Variants in KCNH8 observed in about 807,000 individuals in gnomAD.
KCNH8 encodes the protein voltage-gated delayed rectifier potassium channel KCNH8.
KCNH8 carries 70 observed loss-of-function variants against 103.6 expected under a neutral mutation model. The ratio of observed to expected loss-of-function variants is 0.68; its 90% CI spans 0.56 to 0.82. KCNH8 has a LOEUF of 0.82. KCNH8 is among the 40% of genes least tolerant of loss of function. The pLI, the probability that KCNH8 is intolerant of heterozygous loss-of-function variation, is 0.00. For missense variants in KCNH8, 1,217 were observed against 1,329.9 expected (o/e 0.92, Z 1.32); for synonymous variants, 498 against 489.4 (o/e 1.02, Z -0.23).
chr3:19,469,449 T>G (rs2067809229), intron 11 of KCNH8, among the ~76,000 whole-genome samples: 1 of 152,244 alleles, frequency 6.6e-6, no homozygotes, highest in East Asian at 1.9e-4. Context: ...TTTTTTGTTT[T>G]TTGTTTTTGA....
chr3:19,501,536 T>C (rs2068583196), intron 11 of KCNH8, among the ~76,000 whole-genome samples: 1 of 152,214 alleles, frequency 6.6e-6, no homozygotes, highest in African/African-American at 2.4e-5. Flanking sequence ...AATAAAATAC[T>C]GGCAAACCGA....
chr3:19,165,420 C>G (rs563757629), intron 1 of KCNH8, among the ~76,000 whole-genome samples: 40 of 152,136 alleles, frequency 2.6e-4, no homozygotes, highest in Non-Finnish European at 4.0e-4. Flanking sequence ...TGAACATAGT[C>G]AAATTAATAA....
intron 5 of KCNH8, among the ~76,000 whole-genome samples, chr3:19,364,455 T>C (rs2065985215): frequency 6.6e-6 from 1 of 152,154 alleles, no homozygotes; most frequent in African/African-American, 2.4e-5. Flanking sequence ...ATTTGGAACA[T>C]TTATTAAATG....
chr3:19,531,090 C>G (rs913152723), intron 15 of KCNH8, among the ~76,000 whole-genome samples: 3 of 152,168 alleles, frequency 2.0e-5, no homozygotes, highest in African/African-American at 7.2e-5. Context: ...AGAGACTGTG[C>G]CTTTATTTAA....
At chr3:19,175,758 G>A (rs1308558445) in intron 1 of KCNH8, among the ~76,000 whole-genome samples, 1 of 152,088 alleles carries the variant, frequency 6.6e-6, no homozygotes. Context: ...AAATTGATTT[G>A]TCATCTTGAT....
chr3:19,351,056 G>A lies in KCNH8; in HGVS notation c.811+3091G>A, dbSNP rs556562950. On this transcript the variant is annotated intron_variant, in intron 5 of 15. Coordinates refer to ENST00000328405, the MANE Select transcript of KCNH8 (RefSeq NM_144633.3). ...AGACCTTAAATGACCTGATGGAGCTGAAAACCATGGCATGAGAACTATATG... is the reference window on the plus strand; with the variant it reads ...AGACCTTAAATGACCTGATGGAGCTAAAAACCATGGCATGAGAACTATATG... Among the ~76,000 whole-genome samples the A allele has an allele frequency of 2.6e-5, 4 of 152,182 alleles. No individual in the cohort carries two copies. In the East Asian group the frequency reaches 7.8e-4, roughly 30 times the overall value.
intron 11 of KCNH8, among the ~76,000 whole-genome samples, chr3:19,501,902 T>C (rs374285666): frequency 6.6e-5 from 10 of 152,226 alleles, no homozygotes; most frequent in South Asian, 2.1e-4. Context: ...TCCTATTCAA[T>C]ATAGTGTTGG....
At position 19,373,288 on chromosome 3, in the gene KCNH8, A is replaced by C. The variant is rs536414272; in HGVS notation, c.812-17193A>C. On this transcript the variant is annotated intron_variant, in intron 5 of 15. Transcript: ENST00000328405. ...CTATTGATTATTGCCAGAATTTCAG[A>C]TCCTGTTATTGGTCTATTCAGAGAT... 1.8e-4 allele frequency among the ~76,000 whole-genome samples: 27 copies of C among 152,164 alleles called. No homozygotes were observed. In the South Asian group the frequency reaches 3.1e-3, roughly 18 times the overall value.
intron 11 of KCNH8, among the ~76,000 whole-genome samples, chr3:19,499,040 G>C (rs2068513877): frequency 6.6e-6 from 1 of 152,032 alleles, no homozygotes; most frequent in Admixed American, 6.6e-5. Context: ...TGAGAACTTT[G>C]AAAAAAATTT....
intron 5 of KCNH8, among the ~76,000 whole-genome samples, chr3:19,352,326 A>G (rs1435423765): frequency 1.3e-5 from 2 of 152,154 alleles, no homozygotes; most frequent in African/African-American, 2.4e-5. Flanking sequence ...CAGATCAACA[A>G]GACAGAAAGT....
chr3:19,285,278 G>A (rs879855848), intron 3 of KCNH8, among the ~76,000 whole-genome samples: 8 of 151,668 alleles, frequency 5.3e-5, no homozygotes, highest in Admixed American at 4.6e-4. Flanking sequence ...CATTGCATTC[G>A]CATTTGGAGA....
chr3:19,448,362 G>C (rs906113888), intron 8 of KCNH8, among the ~76,000 whole-genome samples: 1 of 151,846 alleles, frequency 6.6e-6, no homozygotes, highest in African/African-American at 2.4e-5. Context: ...ACATTATATT[G>C]CTTCTTGTAT....
intron 1 of KCNH8, among the ~76,000 whole-genome samples, chr3:19,196,687 AC>A (rs1418833867): frequency 6.6e-6 from 1 of 152,008 alleles, no homozygotes; most frequent in African/African-American, 2.4e-5. Flanking sequence ...CCGTGGAAGA[AC>A]CCAGTTTTTA....
chr3:19,353,322 C>A (rs536199983), intron 5 of KCNH8, among the ~76,000 whole-genome samples: 1 of 152,304 alleles, frequency 6.6e-6, no homozygotes, highest in Non-Finnish European at 1.5e-5. Context: ...GAGCTGGTAC[C>A]ATTCCTTCTG....
At chr3:19,413,709 T>A (rs2125150364) in intron 7 of KCNH8, among the ~76,000 whole-genome samples, 1 of 152,120 alleles carries the variant, frequency 6.6e-6, no homozygotes, top group African/African-American at 2.4e-5. Flanking sequence ...CCTCTAGCAC[T>A]TGGGGGAAAT....
At chr3:19,213,930 T>G (rs1481784910) in intron 1 of KCNH8, among the ~76,000 whole-genome samples, 2 of 152,112 alleles carry the variant, frequency 1.3e-5, no homozygotes, top group Non-Finnish European at 2.9e-5. Context: ...GGCCATAGTC[T>G]CTCCTCAGCC....
chr3:19,306,601 A>G (rs2065133588), intron 3 of KCNH8, among the ~76,000 whole-genome samples: 1 of 152,194 alleles, frequency 6.6e-6, no homozygotes, highest in East Asian at 1.9e-4. Context: ...AAGCTGACTC[A>G]AAAGAGAAAG....
rs186975549 is a variant in KCNH8 at position 19,373,396 on chromosome 3, C to T, written c.812-17085C>T. On this transcript the variant is annotated intron_variant, in intron 5 of 15. Transcript: ENST00000328405. ...TCTTCTAGATTTTCTAGTTTATTTG[C>T]GTAGAGGTGTTTGTAGTATTCTCTG... is the stretch of plus-strand genomic sequence containing the variant. Among the ~76,000 whole-genome samples the T allele has an allele frequency of 3.0e-3, 450 of 151,976 alleles. 2 individuals carry two copies. The highest frequency in any genetic ancestry group is 7.7e-3 in the African/African-American group (320 of 41,464).
At chr3:19,492,059 G>C (rs148065499) in intron 11 of KCNH8, among the ~76,000 whole-genome samples, 21 of 151,758 alleles carry the variant, frequency 1.4e-4, no homozygotes, top group Admixed American at 5.9e-4. Context: ...GTTTCTTATA[G>C]ATTCTGGATA....
Sources: allele counts gnomAD v4.1 joint callset (sites outside exome capture counted in the v4.1 genomes callset), GRCh38; gene constraint gnomAD v4.1.1; transcripts MANE v1.5; gene names NCBI Gene and HGNC (gene_info 2026-07-23, HGNC 2026-07-21).